Variants in CEP126 observed in about 807,000 individuals in gnomAD.
CEP126 encodes the protein centrosomal protein 126, also known as centrosomal protein of 126 kDa.
A neutral mutation model predicts 107.8 loss-of-function variants in CEP126; 74 were observed. The observed-to-expected ratio is 0.69, with a 90% confidence interval of 0.57 to 0.83. The LOEUF (loss-of-function observed/expected upper bound fraction) is 0.83, where lower values mean the gene tolerates loss of function less well. CEP126 is among the 40% of genes least tolerant of loss of function. The probability of loss-of-function intolerance (pLI) is 0.00; values close to 1 mark genes in which losing one functional copy is unlikely to be tolerated. For synonymous variants in CEP126, 449 were observed against 446.0 expected (o/e 1.01, Z -0.08); for missense variants, 1,237 against 1,281.9 (o/e 0.96, Z 0.53).
chr11:101,960,071 A>G (rs1479492543), intron 5 of CEP126, among the ~76,000 whole-genome samples: 1 of 152,200 alleles, frequency 6.6e-6, no homozygotes, highest in African/African-American at 2.4e-5. Context: ...GGATAAGTGT[A>G]TGCACACACA....
intron 9 of CEP126, among the ~76,000 whole-genome samples, chr11:101,989,273 C>T (rs966870167): frequency 6.6e-6 from 1 of 152,078 alleles, no homozygotes; most frequent in African/African-American, 2.4e-5. Context: ...TTTTATGTAT[C>T]TATCAGATTT....
chr11:101,927,777 T>C (rs1207917715), intron 2 of CEP126, among the ~76,000 whole-genome samples: 1 of 152,202 alleles, frequency 6.6e-6, no homozygotes, highest in Non-Finnish European at 1.5e-5. Flanking sequence ...TATTATTTCA[T>C]GATATGGATG....
At chr11:101,937,559 T>A (rs1262483952) in intron 2 of CEP126, among the ~76,000 whole-genome samples, 3 of 152,228 alleles carry the variant, frequency 2.0e-5, no homozygotes, top group Non-Finnish European at 2.9e-5. Context: ...TTTTGTGTAA[T>A]GTTGATGAGA....
chr11:101,982,856 T>TGAAG (rs1170051053), intron 8 of CEP126, among the ~76,000 whole-genome samples: 1 of 152,146 alleles, frequency 6.6e-6, no homozygotes, highest in Non-Finnish European at 1.5e-5. Context: ...ATGGAAAATT[T>TGAAG]TACACCTGAC....
rs1297664528 is a variant in CEP126, at chr11:101,998,852, C to T, written c.*1209C>T. 1 of 152,012 alleles carries T rather than the reference C, an allele frequency of 6.6e-6. No individual in the cohort carries two copies. The highest frequency in any genetic ancestry group is 1.5e-5 in the Non-Finnish European group (1 of 68,004). The allele number at this position is 152,012 out of a possible 1,614,324, so 9.4% of individuals were successfully genotyped here. ...CCACTTTAGAGATGAGAAACTGAGC[C>T]AAGGCCACATAGCTACCTACAGTGA... On this transcript the variant is annotated 3_prime_UTR_variant, in exon 11 of 11. Coordinates refer to ENST00000263468, the MANE Select transcript of CEP126 (RefSeq NM_020802.4).
chr11:101,964,164 A>T (rs1278004983), intron 6 of CEP126, among the ~76,000 whole-genome samples: 1 of 151,690 alleles, frequency 6.6e-6, no homozygotes, highest in Non-Finnish European at 1.5e-5. Context: ...TTAGCCCGGC[A>T]TGGTGGTGCG....
At position 101,977,081 on chromosome 11, in the gene CEP126, T is replaced by A. The variant is rs1941199992; in HGVS notation, c.2846-1266T>A. On this transcript the variant is annotated intron_variant, in intron 6 of 10. Transcript: ENST00000263468. ...AGATAAGCTAAAGTAAAATTTTAAA[T>A]TTGTATATCACTAGCTAATATCTCA... is the stretch of plus-strand genomic sequence containing the variant. Among the ~76,000 whole-genome samples the A allele has an allele frequency of 2.6e-5, 4 of 152,168 alleles. No homozygotes were observed. In the South Asian group the frequency reaches 6.2e-4, roughly 24 times the overall value.
chr11:101,991,004 T>C (rs1290838895), intron 9 of CEP126, among the ~76,000 whole-genome samples: 1 of 151,768 alleles, frequency 6.6e-6, no homozygotes, highest in Non-Finnish European at 1.5e-5. Context: ...AAACCCTGTC[T>C]CTACAAAAAA....
intron 2 of CEP126, among the ~76,000 whole-genome samples, chr11:101,941,921 A>C (rs1451471637): frequency 2.0e-5 from 3 of 151,968 alleles, no homozygotes; most frequent in African/African-American, 7.2e-5. Context: ...GCATCTTTTC[A>C]TGTGTTTATT....
intron 4 of CEP126, among the ~76,000 whole-genome samples, chr11:101,951,782 A>G (rs1436893967): frequency 1.3e-5 from 2 of 152,216 alleles, no homozygotes; most frequent in Non-Finnish European, 2.9e-5. Flanking sequence ...GAGGGGATAA[A>G]TATCCATGTA....
chr11:101,923,633 T>C (rs1940364780), intron 2 of CEP126, among the ~76,000 whole-genome samples: 1 of 152,230 alleles, frequency 6.6e-6, no homozygotes, highest in Admixed American at 6.5e-5. Context: ...GTAGTTGAAA[T>C]TATTTACTGA....
At position 101,941,212 on chromosome 11, in the gene CEP126, A is replaced by G. The variant is rs114450042; in HGVS notation, c.249-3053A>G. ...CAAAGACTACATTAAGTACATTCAT[A>G]TTGCTGGGTAACCATCATCATTATC... is the stretch of plus-strand genomic sequence containing the variant. On this transcript the variant is annotated intron_variant, in intron 2 of 10. Transcript: ENST00000263468. 8.6e-3 allele frequency among the ~76,000 whole-genome samples: 1,305 copies of G among 152,226 alleles called. 24 individuals are homozygous for G. The highest frequency in any genetic ancestry group is 0.03 in the African/African-American group (1,233 of 41,522).
chr11:101,971,325 A>G (rs1447915142), intron 6 of CEP126, among the ~76,000 whole-genome samples: 1 of 151,520 alleles, frequency 6.6e-6, no homozygotes, highest in Non-Finnish European at 1.5e-5. Flanking sequence ...CATAATACAC[A>G]TGAAAAAAAA....
chr11:101,962,002 A>C lies in CEP126; in HGVS notation c.967A>C (p.Asn323His). The C allele has an allele frequency of 6.2e-7, 1 of 1,612,942 alleles. No individual in the cohort carries two copies. Among genetic ancestry groups the C allele is most frequent in the Non-Finnish European group, 8.5e-7 (1 of 1,179,426 alleles). ...AAATTTAGATGCTTCAAATACTCAG[A>C]ATGTCACAGCTTTCTCAGATATTTT... The part of the protein sequence containing the change: ...LTNLDASNTQ[N>H]VTAFSDILSK... Residue 323 changes from asparagine to histidine, a missense_variant, in exon 6 of 11, where the codon AAT (asparagine) becomes CAT (histidine). Transcript: ENST00000263468.
intron 1 of CEP126, among the ~76,000 whole-genome samples, chr11:101,919,853 C>T (rs1940296258): frequency 6.6e-6 from 1 of 152,196 alleles, no homozygotes; most frequent in African/African-American, 2.4e-5. Flanking sequence ...TCTTCCTCCC[C>T]TCAACCTCAT....
intron 9 of CEP126, among the ~76,000 whole-genome samples, chr11:101,990,306 A>G (rs1032359398): frequency 1.6e-4 from 25 of 152,178 alleles, no homozygotes; most frequent in African/African-American, 6.0e-4. Flanking sequence ...GCTGTAGGAA[A>G]GGCATGAAGC....
chr11:101,921,050 A>G (rs1940318620), intron 1 of CEP126, among the ~76,000 whole-genome samples: 2 of 152,240 alleles, frequency 1.3e-5, no homozygotes, highest in Non-Finnish European at 2.9e-5. Flanking sequence ...ATATTGCTAC[A>G]ACTTATTTAA....
chr11:101,926,753 T>C (rs769263144), intron 2 of CEP126, among the ~76,000 whole-genome samples: 1 of 152,226 alleles, frequency 6.6e-6, no homozygotes. Flanking sequence ...TATTTTCACA[T>C]TTTAACATAA....
chr11:101,962,459 C>T lies in CEP126; in HGVS notation c.1424C>T (p.Ser475Leu), dbSNP rs534681173. ...TCTAATATACAGTCAGCTAGACCTT[C>T]AGCAAAGAACAGTATACACATAAAA... is the stretch of plus-strand genomic sequence containing the variant. ...LPSNIQSARP[S>L]AKNSIHIKEI... The change falls in exon 6 of 11, where the codon TCA becomes TTA. Residue 475 changes from serine to leucine, a missense_variant. By Grantham distance (145) the Ser-to-Leu change is moderately radical. Coordinates refer to ENST00000263468, the MANE Select transcript of CEP126 (RefSeq NM_020802.4). 1 of 1,613,568 alleles carries T rather than the reference C, an allele frequency of 6.2e-7. No individual in the cohort carries two copies. Among genetic ancestry groups the T allele is most frequent in the South Asian group, 1.1e-5 (1 of 91,000 alleles).
Sources: gnomAD v4.1 joint callset for allele counts (sites outside exome capture counted in the v4.1 genomes callset) on GRCh38, gnomAD v4.1.1 for gene constraint, MANE v1.5 for transcripts, NCBI Gene and HGNC (gene_info 2026-07-23, HGNC 2026-07-21) for gene names.